Variants in HAUS8 observed in about 807,000 individuals in gnomAD.
The protein encoded by HAUS8 is HAUS augmin-like complex subunit 8.
A neutral mutation model predicts 42.9 loss-of-function variants in HAUS8; 38 were observed. The observed-to-expected ratio is 0.89, with a 90% CI of 0.68 to 1.16. The LOEUF (loss-of-function observed/expected upper bound fraction) is 1.16. Among genes scored for constraint, HAUS8 ranks in the 50% most tolerant of loss-of-function variants. The pLI, the probability that HAUS8 is intolerant of heterozygous loss-of-function variation, is 0.00. For missense variants in HAUS8, 494 were observed against 511.6 expected, an observed-to-expected ratio of 0.97 and a Z score of 0.33; for synonymous variants, 199 against 205.8, an observed-to-expected ratio of 0.97 and a Z score of 0.28.
intron 5 of HAUS8, 50 bp downstream of exon 5, chr19:17,059,947 C>T (rs757343885): frequency 2.2e-6 from 3 of 1,338,730 alleles, no homozygotes. Flanking sequence ...CCCACTGAGA[C>T]CTACTGCAAC....
chr19:17,060,816 G>A (rs1878182086), intron 4 of HAUS8, among the ~76,000 whole-genome samples: 3 of 152,156 alleles, frequency 2.0e-5, no homozygotes. Flanking sequence ...GCCTTACACT[G>A]TCTAAGATGG....
chr19:17,053,140 C>T (rs779040414), intron 9 of HAUS8, 174 bp from the exon 10 acceptor site: 13 of 681,884 alleles, frequency 1.9e-5, no homozygotes, highest in Admixed American at 2.8e-5. Flanking sequence ...TTATCCATCC[C>T]GTGCTCTGAG....
At chr19:17,052,494 C>CT (rs1430931757) in intron 10 of HAUS8, 10 of 209,944 alleles carry the variant, frequency 4.8e-5, no homozygotes, top group Non-Finnish European at 7.6e-5. Context: ...GGTGGGATCA[C>CT]TTGAGCCCAG....
chr19:17,060,432 A>G (rs1039117584), intron 4 of HAUS8, among the ~76,000 whole-genome samples: 1 of 152,076 alleles, frequency 6.6e-6, no homozygotes, highest in African/African-American at 2.4e-5. Context: ...TTTGTTTTTG[A>G]GACGGAGTTT....
chr19:17,065,942 C>G (rs1022200541), intron 3 of HAUS8, among the ~76,000 whole-genome samples: 2 of 150,212 alleles, frequency 1.3e-5, no homozygotes, highest in Admixed American at 6.7e-5. Context: ...GCCTTCCCCC[C>G]ATATCTCACT....
Position 17,069,019 on chromosome 19 carries a change from G to A in HAUS8, c.147+12C>T. 3 of 1,611,286 alleles carry A rather than the reference G, an allele frequency of 1.9e-6. No individual in the cohort carries two copies. Among genetic ancestry groups the A allele is most frequent in the African/African-American group, 1.3e-5 (1 of 74,968 alleles). On this transcript the variant is annotated intron_variant, in intron 3 of 10. Coordinates refer to ENST00000253669, the MANE Select transcript of HAUS8 (RefSeq NM_033417.2). The stretch of plus-strand genomic sequence containing the variant: ...CAGAACTGCTGCAAATGGAAGCTGG[G>A]TGCGGCCTTACCTTTTGGGTTGTCT...
chr19:17,055,939 C>T lies in HAUS8; in HGVS notation c.709G>A (p.Ala237Thr), dbSNP rs2057323300. 18 of 1,614,122 alleles carry T rather than the reference C, an allele frequency of 1.1e-5. No homozygotes were observed. The highest frequency in any genetic ancestry group is 1.6e-4 in the Middle Eastern group (1 of 6,062). ...TGCCTGGTAGTGTCCAGGGCCGTGGCGAATGTCCTGTATTGCTCCTTGAAG... is the reference window on the plus strand; with the variant it reads ...TGCCTGGTAGTGTCCAGGGCCGTGGTGAATGTCCTGTATTGCTCCTTGAAG... ...TRFKEQYRTFATALDTTRHEL... is the reference protein window; with the variant it reads ...TRFKEQYRTFTTALDTTRHEL... The change falls in exon 9 of 11, where the codon GCC (alanine) becomes ACC (threonine). Residue 237 changes from alanine (A) to threonine (T), a missense_variant. Ala to Thr is a moderately conservative substitution (Grantham distance 58). Coordinates refer to ENST00000253669, the MANE Select transcript of HAUS8 (RefSeq NM_033417.2).
intron 9 of HAUS8, among the ~76,000 whole-genome samples, chr19:17,054,038 G>A (rs2123360016): frequency 6.6e-6 from 1 of 152,240 alleles, no homozygotes; most frequent in East Asian, 1.9e-4. Context: ...GAGGGACACG[G>A]CCATGAGCCA....
intron 2 of HAUS8, 34 bp downstream of exon 2, chr19:17,073,240 C>A (rs779934126): frequency 1.3e-6 from 2 of 1,581,968 alleles, no homozygotes; most frequent in South Asian, 2.2e-5. Context: ...AAGAAGAAAA[C>A]CATGTTCCTT....
At chr19:17,062,390 A>G (rs750224885) in intron 4 of HAUS8, among the ~76,000 whole-genome samples, 1 of 152,162 alleles carries the variant, frequency 6.6e-6, no homozygotes, top group African/African-American at 2.4e-5. Context: ...CAGCCTCTCT[A>G]AGAGTCTTGC....
intron 4 of HAUS8, among the ~76,000 whole-genome samples, chr19:17,062,474 G>A (rs1311216154): frequency 6.6e-6 from 1 of 152,150 alleles, no homozygotes; most frequent in African/African-American, 2.4e-5. Context: ...TGATGGCAAT[G>A]TGGCTTTTCT....
chr19:17,053,443 AT>A (rs2057300243), intron 9 of HAUS8: 1 of 159,156 alleles, frequency 6.3e-6, no homozygotes, highest in Admixed American at 6.1e-5. Context: ...TGAGAGTCAC[AT>A]TTTGGGAGCC....
intron 3 of HAUS8, among the ~76,000 whole-genome samples, chr19:17,063,431 A>C (rs2057372285): frequency 6.6e-6 from 1 of 152,274 alleles, no homozygotes; most frequent in Non-Finnish European, 1.5e-5. Context: ...AGTAAAAGGC[A>C]AACAGGTTGA....
chr19:17,062,497 A>G (rs1352554995), intron 4 of HAUS8, among the ~76,000 whole-genome samples: 1 of 152,158 alleles, frequency 6.6e-6, no homozygotes, highest in Non-Finnish European at 1.5e-5. Flanking sequence ...GGGGCCACAC[A>G]GGGAAGAAAT....
Position 17,059,739 on chromosome 19 carries a change from G to A in HAUS8, c.326-88C>T, listed in dbSNP as rs964030444. On this transcript the variant is annotated intron_variant, in intron 5 of 10. Transcript: ENST00000253669. ...TTTTTTTTCTAATGATGGGTTTATT[G>A]GGATGTAACCCCATCATAAATTGAG... is the stretch of plus-strand genomic sequence containing the variant. 5 of 829,392 alleles carry A rather than the reference G, an allele frequency of 6.0e-6. 1 individual carries two copies. Among genetic ancestry groups the A allele is most frequent in the Middle Eastern group, 4.9e-4 (2 of 4,058 alleles). The allele number at this position is 829,392 out of a possible 1,614,324, so 51.4% of individuals were successfully genotyped here. A position where few individuals can be genotyped will look rare whatever the true frequency, so the allele number is the denominator to read the frequency against.
Position 17,058,544 on chromosome 19 carries a change from C to A in HAUS8, c.645+5G>T, listed in dbSNP as rs1336218064. The A allele has an allele frequency of 6.3e-7, 1 of 1,588,858 alleles. No individual in the cohort carries two copies. The highest frequency in any genetic ancestry group is 1.4e-5 in the African/African-American group (1 of 73,340). On this transcript the variant is annotated splice_donor_5th_base_variant and intron_variant, in intron 8 of 10. Transcript: ENST00000253669. ...ACTGGTCACAGAGTGTCACTTACAA[C>A]TGACCTGGGCATCCAGGACATCTGC...
At chr19:17,072,873 T>C (rs1250947039) in intron 2 of HAUS8, among the ~76,000 whole-genome samples, 3 of 137,892 alleles carry the variant, frequency 2.2e-5, no homozygotes, top group Non-Finnish European at 3.0e-5. Flanking sequence ...CCCAACACTT[T>C]GGGAGGCAGA....
chr19:17,054,735 A>C (rs940843490), intron 9 of HAUS8, among the ~76,000 whole-genome samples: 4 of 151,986 alleles, frequency 2.6e-5, no homozygotes, highest in East Asian at 1.9e-4. Flanking sequence ...CAGGAGGTGG[A>C]GGTTGCAGAG....
chr19:17,058,485 C>G, intron 8 of HAUS8, 64 bp downstream of exon 8: 1 of 1,465,640 alleles, frequency 6.8e-7, no homozygotes, highest in Non-Finnish European at 9.2e-7. Context: ...GCTACCGAAA[C>G]AGTGGAGATG....
Sources: allele counts gnomAD v4.1 joint callset (sites outside exome capture counted in the v4.1 genomes callset), GRCh38; gene constraint gnomAD v4.1.1; transcripts MANE v1.5; gene names NCBI Gene and HGNC (gene_info 2026-07-23, HGNC 2026-07-21).